Variants in FBN2 observed in about 807,000 individuals in gnomAD.
The protein encoded by FBN2 is fibrillin-2.
FBN2 carries 105 observed loss-of-function variants against 355.6 expected under a neutral mutation model. That is an observed-to-expected ratio of 0.30 (90% CI 0.25 to 0.35). FBN2 has a LOEUF of 0.35. Ranked by LOEUF, FBN2 falls within the 10% of genes least tolerant of loss-of-function variation. The probability of loss-of-function intolerance (pLI) is 1.00; values close to 1 mark genes in which losing one functional copy is unlikely to be tolerated. For missense variants in FBN2, 3,280 were observed against 3,758.7 expected (o/e 0.87, Z 3.33); for synonymous variants, 1,350 against 1,301.2 (o/e 1.04, Z -0.81).
chr5:128,397,236 C>T (rs535888485), intron 8 of FBN2, among the ~76,000 whole-genome samples: 2 of 152,246 alleles, frequency 1.3e-5, no homozygotes, highest in South Asian at 2.1e-4. Context: ...TCACAGGAAA[C>T]AATTTTTGGA....
intron 5 of FBN2, among the ~76,000 whole-genome samples, chr5:128,495,221 G>C (rs1755623584): frequency 6.6e-6 from 1 of 151,860 alleles, no homozygotes; most frequent in Non-Finnish European, 1.5e-5. Context: ...GTGAATTTCT[G>C]GTGATAGATC....
chr5:128,421,366 G>A (rs1753346454), intron 7 of FBN2, among the ~76,000 whole-genome samples: 1 of 152,094 alleles, frequency 6.6e-6, no homozygotes, highest in Admixed American at 6.6e-5. Context: ...ATGAAGGTGG[G>A]ACTGGGAGAG....
intron 5 of FBN2, among the ~76,000 whole-genome samples, chr5:128,495,928 A>G (rs1362113786): frequency 6.6e-6 from 1 of 152,174 alleles, no homozygotes; most frequent in Non-Finnish European, 1.5e-5. Flanking sequence ...AAGTTTCTAG[A>G]AAGATAGAAA....
In FBN2 at chr5:128,414,190, T is replaced by C. The variant is rs565219848; in HGVS notation, c.953-5391A>G. On this transcript the variant is annotated intron_variant, in intron 7 of 64. Coordinates refer to ENST00000262464, the MANE Select transcript of FBN2 (RefSeq NM_001999.4). ...AAGTGTAAAACTCAAATGATTTTAG[T>C]GTAGTCACAAGGTTGTGCAGCCATA... is the stretch of plus-strand genomic sequence containing the variant. 2.6e-5 allele frequency among the ~76,000 whole-genome samples: 4 copies of C among 152,300 alleles called. No individual in the cohort carries two copies. In the South Asian group the frequency reaches 8.3e-4, roughly 32 times the overall value.
At chr5:128,271,357 A>T (rs1765262850) in intron 62 of FBN2, among the ~76,000 whole-genome samples, 1 of 152,182 alleles carries the variant, frequency 6.6e-6, no homozygotes, top group Non-Finnish European at 1.5e-5. Context: ...TATGCTAAGT[A>T]AGTCACCTGG....
chr5:128,424,516 T>C (rs1753436167), intron 7 of FBN2, among the ~76,000 whole-genome samples: 1 of 152,158 alleles, frequency 6.6e-6, no homozygotes, highest in African/African-American at 2.4e-5. Context: ...TCTGTCACAT[T>C]ATATCATTAT....
chr5:128,267,660 A>G (rs1293834141), intron 62 of FBN2, among the ~76,000 whole-genome samples: 1 of 135,786 alleles, frequency 7.4e-6, no homozygotes, highest in Non-Finnish European at 1.5e-5. Context: ...CCACTTTTTG[A>G]TAGGGTTTTT....
At chr5:128,477,154 A>T (rs1460268002) in intron 5 of FBN2, among the ~76,000 whole-genome samples, 1 of 152,232 alleles carries the variant, frequency 6.6e-6, no homozygotes, top group Non-Finnish European at 1.5e-5. Flanking sequence ...TAAAATTTAA[A>T]TTCCATAAAG....
At chr5:128,435,892 T>G (rs1436327942) in intron 7 of FBN2, among the ~76,000 whole-genome samples, 1 of 152,226 alleles carries the variant, frequency 6.6e-6, no homozygotes, top group Non-Finnish European at 1.5e-5. Flanking sequence ...TTTTCACAGA[T>G]TTCATGTTTA....
chr5:128,365,411 A>G (rs145362176), intron 17 of FBN2: 6 of 152,312 alleles, frequency 3.9e-5, no homozygotes, highest in African/African-American at 4.8e-5. Context: ...ATAATGAAAG[A>G]GTAAGCCCAA....
In FBN2 at chr5:128,419,991, G is replaced by A. The variant is rs140308750; in HGVS notation, c.953-11192C>T. Among the ~76,000 whole-genome samples, 223 of 152,194 alleles carry A rather than the reference G, an allele frequency of 1.5e-3. 1 individual carries two copies. The highest frequency in any genetic ancestry group is 5.1e-3 in the African/African-American group (211 of 41,524). On this transcript the variant is annotated intron_variant, in intron 7 of 64. Transcript: ENST00000262464. ...ATTACAGGCGTGAGCCACCGCACCC[G>A]GCTGATGTATACTTCTTTTTATATG...
chr5:128,506,342 G>A (rs1335050059), intron 5 of FBN2, among the ~76,000 whole-genome samples: 1 of 152,034 alleles, frequency 6.6e-6, no homozygotes, highest in Non-Finnish European at 1.5e-5. Flanking sequence ...CATTAATTTT[G>A]TTCAGCAATG....
rs1379367966 is a variant in FBN2, at chr5:128,261,655, C to T, written c.8364+81G>A. 2.3e-6 allele frequency: 3 copies of T among 1,323,502 alleles called. No homozygotes were observed. In the East Asian group the frequency reaches 6.9e-5, roughly 30 times the overall value. The allele number at this position is 1,323,502 out of a possible 1,614,324, so 82.0% of individuals were successfully genotyped here. On this transcript the variant is annotated intron_variant, in intron 64 of 64. Coordinates refer to ENST00000262464, the MANE Select transcript of FBN2 (RefSeq NM_001999.4). ...CAAGGTATGATTAACTTCAGTGAGG[C>T]TGAAAACGACGTGAACTGCACTGTA...
At chr5:128,387,308 G>T (rs1482111216) in intron 11 of FBN2, among the ~76,000 whole-genome samples, 2 of 151,938 alleles carry the variant, frequency 1.3e-5, no homozygotes, top group African/African-American at 4.8e-5. Context: ...TGTTGGTAAT[G>T]TCTCCTTTAT....
chr5:128,260,339 T>C (rs1482010732), intron 64 of FBN2, among the ~76,000 whole-genome samples: 5 of 152,150 alleles, frequency 3.3e-5, no homozygotes, highest in African/African-American at 9.7e-5. Flanking sequence ...CTATCAGAGG[T>C]ACACAGAGTG....
rs900583466 is a variant in FBN2, at chr5:128,304,940, C to A, written c.5800+17G>T. Reference sequence around the variant, plus strand: ...CCCAGCCCCACTTCACTCCCTGGAGCCACATGCCCTTCTTACCCATGCACA... The same window carrying A: ...CCCAGCCCCACTTCACTCCCTGGAGACACATGCCCTTCTTACCCATGCACA... On this transcript the variant is annotated intron_variant, in intron 45 of 64. Coordinates refer to ENST00000262464, the MANE Select transcript of FBN2 (RefSeq NM_001999.4). 5 of 1,613,956 alleles carry A rather than the reference C, an allele frequency of 3.1e-6. 1 individual carries two copies.
intron 6 of FBN2, among the ~76,000 whole-genome samples, chr5:128,462,089 G>A (rs979460357): frequency 1.3e-5 from 2 of 151,892 alleles, no homozygotes; most frequent in Non-Finnish European, 2.9e-5. Context: ...TTACTACAAG[G>A]GCATGTTTCA....
chr5:128,366,577 C>A, intron 16 of FBN2, 147 bp from the exon 17 acceptor site: 2 of 532,528 alleles, frequency 3.8e-6, no homozygotes, highest in Non-Finnish European at 3.4e-6. Context: ...TTCTAGCAAA[C>A]AATTATTATA....
At chr5:128,381,380 CTT>C (rs1752232204) in intron 11 of FBN2, among the ~76,000 whole-genome samples, 1 of 152,048 alleles carries the variant, frequency 6.6e-6, no homozygotes, top group African/African-American at 2.4e-5. Flanking sequence ...AGTTATACTG[CTT>C]CATTAGGTAT....
Sources: gnomAD v4.1 joint callset for allele counts (sites outside exome capture counted in the v4.1 genomes callset) on GRCh38, gnomAD v4.1.1 for gene constraint, MANE v1.5 for transcripts, NCBI Gene and HGNC (gene_info 2026-07-23, HGNC 2026-07-21) for gene names.